SAMD12: variants seen among roughly 807,000 people sequenced by gnomAD.
The protein encoded by SAMD12 is sterile alpha motif domain containing 12.
Under a neutral mutation model 15.0 loss-of-function variants are expected in SAMD12, and 9 were observed. The observed-to-expected ratio is 0.60, with a 90% CI of 0.36 to 1.05. SAMD12 has a LOEUF of 1.05. SAMD12 is among the 50% of genes least tolerant of loss of function. The pLI is 0.01. For synonymous variants in SAMD12, 86 were observed against 90.1 expected (o/e 0.96, Z 0.25); for missense variants, 230 against 234.2 (o/e 0.98, Z 0.12).
exon 5 of SAMD12, chr8:118,197,675 A>G (rs201371590): frequency 1.3e-6 from 2 of 1,590,728 alleles, no homozygotes; most frequent in Non-Finnish European, 1.7e-6. Context: ...GTTCATATCA[A>G]CTGGCAGGAC....
chr8:118,422,343 A>G (rs1022070159), intron 3 of SAMD12, among the ~76,000 whole-genome samples: 35 of 152,260 alleles, frequency 2.3e-4, no homozygotes, highest in African/African-American at 8.4e-4. Context: ...ATGTTATAAT[A>G]CTAACAATAA....
intron 2 of SAMD12, among the ~76,000 whole-genome samples, chr8:118,548,555 G>C (rs1257951614): frequency 6.6e-6 from 1 of 152,182 alleles, no homozygotes; most frequent in East Asian, 1.9e-4. Flanking sequence ...AGCCAAGATG[G>C]CCGAATAGGA....
chr8:118,500,905 T>C (rs1349198521), intron 2 of SAMD12, among the ~76,000 whole-genome samples: 3 of 152,234 alleles, frequency 2.0e-5, no homozygotes. Context: ...TTAGAGTTGT[T>C]GACATTCTGG....
chr8:118,233,831 G>C (rs923788306), intron 4 of SAMD12, among the ~76,000 whole-genome samples: 8 of 152,190 alleles, frequency 5.3e-5, no homozygotes, highest in African/African-American at 1.9e-4. Flanking sequence ...GAATCATGTA[G>C]ATTTTTGAAA....
chr8:118,239,900 G>A (rs2129962703), intron 4 of SAMD12: 1 of 152,272 alleles, frequency 6.6e-6, no homozygotes, highest in South Asian at 2.1e-4. Context: ...GGCTTTCCCA[G>A]GACATGGAGG....
At chr8:118,512,263 G>C (rs1485922421) in intron 2 of SAMD12, among the ~76,000 whole-genome samples, 1 of 152,172 alleles carries the variant, frequency 6.6e-6, no homozygotes, top group Non-Finnish European at 1.5e-5. Context: ...CATATGCAGA[G>C]ATAGCACCAG....
At chr8:118,577,565 A>G (rs548116688) in intron 2 of SAMD12, among the ~76,000 whole-genome samples, 5 of 152,310 alleles carry the variant, frequency 3.3e-5, no homozygotes, top group South Asian at 2.1e-4. Context: ...CCAAAGGCAC[A>G]CTAAGGAGCT....
chr8:118,525,246 T>A (rs564502961), intron 2 of SAMD12, among the ~76,000 whole-genome samples: 1 of 152,300 alleles, frequency 6.6e-6, no homozygotes, highest in South Asian at 2.1e-4. Flanking sequence ...CTTCCTGTAT[T>A]TCCTTCAGGT....
chr8:118,211,007 C>T (rs933113073), intron 4 of SAMD12, among the ~76,000 whole-genome samples: 1 of 152,138 alleles, frequency 6.6e-6, no homozygotes, highest in Non-Finnish European at 1.5e-5. Context: ...TCAGAAAGCT[C>T]CCAGTCTAAT....
At chr8:118,462,953 T>C (rs1823470863) in intron 2 of SAMD12, among the ~76,000 whole-genome samples, 1 of 151,332 alleles carries the variant, frequency 6.6e-6, no homozygotes, top group Non-Finnish European at 1.5e-5. Flanking sequence ...ACACAAAAAT[T>C]AGCCGGGCAT....
At chr8:118,588,505 G>A (rs1827505403) in intron 1 of SAMD12, among the ~76,000 whole-genome samples, 10 of 152,122 alleles carry the variant, frequency 6.6e-5, no homozygotes, top group Admixed American at 6.5e-4. Flanking sequence ...GAAATTCAAA[G>A]TTCAATGTCC....
chr8:118,436,930 G>A (rs945802408), intron 3 of SAMD12, among the ~76,000 whole-genome samples: 1 of 152,158 alleles, frequency 6.6e-6, no homozygotes, highest in Non-Finnish European at 1.5e-5. Flanking sequence ...CAGGTGACAA[G>A]CTGCCATGCA....
chr8:118,497,958 A>C (rs933017097), intron 2 of SAMD12, among the ~76,000 whole-genome samples: 3 of 152,192 alleles, frequency 2.0e-5, no homozygotes, highest in African/African-American at 7.2e-5. Flanking sequence ...GAAATTTTCA[A>C]AGGCAGAAAC....
At chr8:118,277,381 T>C (rs1031997805) in intron 4 of SAMD12, among the ~76,000 whole-genome samples, 1 of 152,208 alleles carries the variant, frequency 6.6e-6, no homozygotes, top group African/African-American at 2.4e-5. Flanking sequence ...TTTATCATCA[T>C]AGTCATCGTA....
At chr8:118,575,478 T>C (rs1215461372) in intron 2 of SAMD12, among the ~76,000 whole-genome samples, 1 of 152,202 alleles carries the variant, frequency 6.6e-6, no homozygotes, top group Non-Finnish European at 1.5e-5. Flanking sequence ...GTATATTTCA[T>C]GTTAGGAGCA....
chr8:118,518,145 A>G (rs897638235), intron 2 of SAMD12, among the ~76,000 whole-genome samples: 2 of 152,238 alleles, frequency 1.3e-5, no homozygotes, highest in African/African-American at 2.4e-5. Flanking sequence ...CCAAAGGGAT[A>G]GCATTCTTTG....
chr8:118,284,454 T>C, intron 4 of SAMD12: 1 of 428,732 alleles, frequency 2.3e-6, no homozygotes, highest in South Asian at 1.7e-5. Flanking sequence ...TATATCCCTG[T>C]CCCCTTTAAT....
intron 4 of SAMD12, among the ~76,000 whole-genome samples, chr8:118,256,589 C>A (rs186095356): frequency 6.6e-6 from 1 of 151,664 alleles, no homozygotes; most frequent in African/African-American, 2.4e-5. Flanking sequence ...GTTCAAAGTG[C>A]GTAAAGTACT....
intron 4 of SAMD12, among the ~76,000 whole-genome samples, chr8:118,229,089 A>C (rs1812248826): frequency 6.6e-6 from 1 of 152,140 alleles, no homozygotes; most frequent in South Asian, 2.1e-4. Flanking sequence ...AGCTATGAGA[A>C]CGCAAAGGCA....
Sources: allele counts gnomAD v4.1 joint callset (sites outside exome capture counted in the v4.1 genomes callset), GRCh38; gene constraint gnomAD v4.1.1; transcripts MANE v1.5; gene names NCBI Gene and HGNC (gene_info 2026-07-23, HGNC 2026-07-21).